The following TRPC5 variants were observed in gnomAD, a reference collection of about 807,000 sequenced individuals.
TRPC5 encodes the protein short transient receptor potential channel 5.
A neutral mutation model predicts 56.5 loss-of-function variants in TRPC5; 9 were observed. That is an observed-to-expected ratio of 0.16 (90% CI 0.10 to 0.28). The LOEUF is 0.28. TRPC5 is among the 10% of genes least tolerant of loss of function. TRPC5 has a pLI of 1.00. For missense variants in TRPC5, 469 were observed against 748.9 expected (o/e 0.63, Z 4.36); for synonymous variants, 282 against 278.5 (o/e 1.01, Z -0.13).
chrX:111,897,019 CG>C (rs1301161840), intron 3 of TRPC5, among the ~76,000 whole-genome samples: 1 of 112,007 alleles, frequency 8.9e-6, no homozygotes, highest in African/African-American at 3.2e-5. Context: ...GATGGTTTAG[CG>C]TACACAAACT....
chrX:111,797,221 A>G (rs1253773288), intron 7 of TRPC5, among the ~76,000 whole-genome samples: 4 of 112,372 alleles, frequency 3.6e-5, no homozygotes, highest in Non-Finnish European at 7.5e-5. Flanking sequence ...AGGGATTGTT[A>G]AACTTGATTC....
chrX:112,070,522 A>T (rs1930691355), intron 1 of TRPC5, among the ~76,000 whole-genome samples: 1 of 111,296 alleles, frequency 9.0e-6, no homozygotes, highest in Admixed American at 9.5e-5. Flanking sequence ...AGTCTTTGAG[A>T]TATGAATCTC....
At chrX:112,016,329 A>G (rs1212228140) in intron 1 of TRPC5, among the ~76,000 whole-genome samples, 2 of 110,036 alleles carry the variant, frequency 1.8e-5, no homozygotes, top group Non-Finnish European at 3.8e-5. Context: ...ATTACATTAC[A>G]ATGTACAGAG....
chrX:111,963,986 C>T (rs978119865), intron 1 of TRPC5, among the ~76,000 whole-genome samples: 2 of 111,783 alleles, frequency 1.8e-5, no homozygotes, highest in South Asian at 3.7e-4. Context: ...ATGACTTTGA[C>T]GAGTTGAGAG....
At chrX:111,975,852 C>T (rs1316122027) in intron 1 of TRPC5, among the ~76,000 whole-genome samples, 5 of 111,733 alleles carry the variant, frequency 4.5e-5, no homozygotes, top group African/African-American at 1.3e-4. Flanking sequence ...TGCAGTGAGC[C>T]GAGATTGCAC....
At chrX:111,852,224 T>G in intron 5 of TRPC5, 74 bp downstream of exon 5, 1 of 1,008,498 alleles carries the variant, frequency 9.9e-7, no homozygotes, top group Non-Finnish European at 1.4e-6. Flanking sequence ...CTCAAAACTC[T>G]TTATGCTCTC....
intron 1 of TRPC5, among the ~76,000 whole-genome samples, chrX:111,971,063 T>C (rs113626251): frequency 0.013 from 1,495 of 111,235 alleles, 26 homozygotes; most frequent in African/African-American, 0.046. Flanking sequence ...CAGGCGTGAG[T>C]CACCGCGCCC....
intron 3 of TRPC5, among the ~76,000 whole-genome samples, chrX:111,899,228 C>T (rs114813910): frequency 0.15 from 16,574 of 110,163 alleles, 2,183 homozygotes; most frequent in African/African-American, 0.43. Context: ...CTGAGTCCCC[C>T]GCCCCACAAA....
chrX:111,987,768 C>T (rs181708811), intron 1 of TRPC5, among the ~76,000 whole-genome samples: 1 of 112,518 alleles, frequency 8.9e-6, no homozygotes, highest in Admixed American at 9.4e-5. Context: ...ACTGATGTTG[C>T]AGTTCAAATA....
chrX:112,015,465 C>T (rs1199517600), intron 1 of TRPC5, among the ~76,000 whole-genome samples: 1 of 110,834 alleles, frequency 9.0e-6, no homozygotes, highest in Non-Finnish European at 1.9e-5. Context: ...GTTATCTTCC[C>T]ACCTTGGCCT....
chrX:112,044,440 C>T (rs1202525990), intron 1 of TRPC5, among the ~76,000 whole-genome samples: 1 of 111,776 alleles, frequency 8.9e-6, no homozygotes, highest in African/African-American at 3.2e-5. Flanking sequence ...CTCCCCAAAC[C>T]TCAGTTTCCT....
At position 111,788,148 on chromosome X, in the gene TRPC5, A is replaced by G. The variant is rs764748794; in HGVS notation, c.1897-6010T>C. Reference sequence around the variant, plus strand: ...CAGACCAATATCCCTGATGAACATCAATGCGAAAATCCTCAATGAAATACT... The same window carrying G: ...CAGACCAATATCCCTGATGAACATCGATGCGAAAATCCTCAATGAAATACT... On this transcript the variant is annotated intron_variant, in intron 7 of 10. Transcript: ENST00000262839. Among the ~76,000 whole-genome samples, 7 of 111,962 alleles carry G rather than the reference A, an allele frequency of 6.3e-5. No individual in the cohort carries two copies. The South Asian group carries it at 2.3e-3, about 36-fold the overall frequency.
At chrX:111,831,944 G>A (rs1394369818) in intron 7 of TRPC5, among the ~76,000 whole-genome samples, 1 of 111,707 alleles carries the variant, frequency 9.0e-6, no homozygotes, top group Non-Finnish European at 1.9e-5. Context: ...TTGGTTGATG[G>A]AGCTTGTGCC....
Position 112,070,348 on chromosome X carries a change from G to A in TRPC5, c.-22+11531C>T, listed in dbSNP as rs1041744437. ...TGTGCAGATTGACGCCGCCAAGTTC[G>A]ATTTTCCAAGCTCCATCAAGCCCAC... On this transcript the variant is annotated intron_variant, in intron 1 of 10. Transcript: ENST00000262839. Among the ~76,000 whole-genome samples, 5 of 111,313 alleles carry A rather than the reference G, an allele frequency of 4.5e-5. 1 individual carries two copies. Among genetic ancestry groups the A allele is most frequent in the Admixed American group, 2.9e-4 (3 of 10,477 alleles).
intron 7 of TRPC5, among the ~76,000 whole-genome samples, chrX:111,807,616 C>G (rs1189070421): frequency 8.9e-6 from 1 of 112,095 alleles, no homozygotes; most frequent in African/African-American, 3.2e-5. Context: ...CGTGGATGCT[C>G]TTGATGCTGG....
rs184325918 is a variant in TRPC5, at chrX:111,809,642, T to G, written c.1896+25279A>C. Among the ~76,000 whole-genome samples, 254 of 111,407 alleles carry G rather than the reference T, an allele frequency of 2.3e-3. 1 individual carries two copies. Among genetic ancestry groups the G allele is most frequent in the Admixed American group, 7.8e-3 (82 of 10,480 alleles). ...ACAGGTACTATGATCCCTCACCTGA[T>G]TTTTTGTTATTTGTTTTTTATGAAG... On this transcript the variant is annotated intron_variant, in intron 7 of 10. Coordinates refer to ENST00000262839, the MANE Select transcript of TRPC5 (RefSeq NM_012471.3).
intron 1 of TRPC5, among the ~76,000 whole-genome samples, chrX:111,985,555 A>C (rs1344145965): frequency 8.9e-6 from 1 of 112,173 alleles, no homozygotes; most frequent in East Asian, 2.8e-4. Flanking sequence ...TCAGTGTATC[A>C]GGGTCCTTCC....
chrX:112,008,599 C>CAAAAAAAAAAAAAAAAAAA (rs771663324), intron 1 of TRPC5, among the ~76,000 whole-genome samples: 12 of 74,035 alleles, frequency 1.6e-4, no homozygotes, highest in African/African-American at 4.0e-4. Flanking sequence ...GACTCTGTCT[C>CAAAAAAAAAAAAAAAAAAA]AAAAAAAAAA....
intron 2 of TRPC5, among the ~76,000 whole-genome samples, chrX:111,914,253 T>C (rs1279963251): frequency 1.8e-5 from 2 of 112,243 alleles, no homozygotes; most frequent in African/African-American, 6.5e-5. Context: ...CCATGGATAA[T>C]TGGGAGTCTC....
Sources: gnomAD v4.1 joint callset for allele counts (sites outside exome capture counted in the v4.1 genomes callset) on GRCh38, gnomAD v4.1.1 for gene constraint, MANE v1.5 for transcripts, NCBI Gene and HGNC (gene_info 2026-07-23, HGNC 2026-07-21) for gene names.